The following PRKCA variants were observed in gnomAD, a reference collection of about 807,000 sequenced individuals.
The protein encoded by PRKCA is protein kinase C alpha type.
Under a neutral mutation model 87.0 loss-of-function variants are expected in PRKCA, and 27 were observed. The observed-to-expected ratio is 0.31, with a 90% CI of 0.23 to 0.43. The LOEUF (loss-of-function observed/expected upper bound fraction) is 0.43, where lower values mean the gene tolerates loss of function less well. PRKCA is among the 20% of genes least tolerant of loss of function. The pLI is 1.00. For synonymous variants in PRKCA, 329 were observed against 311.1 expected (o/e 1.06, Z -0.61); for missense variants, 518 against 852.3 (o/e 0.61, Z 4.88).
At position 66,519,838 on chromosome 17, in the gene PRKCA, A is replaced by G. The variant is rs183281968; in HGVS notation, c.288+23555A>G. Among the ~76,000 whole-genome samples, 203 of 152,318 alleles carry G rather than the reference A, an allele frequency of 1.3e-3. 3 individuals are homozygous for G. Among genetic ancestry groups the G allele is most frequent in the South Asian group, 6.6e-3 (32 of 4,824 alleles). On this transcript the variant is annotated intron_variant, in intron 3 of 16. Transcript: ENST00000413366. ...TTCCCAAGCTCTCCAAGTAATGCCT[A>G]TGTTTGAGAATCACAACCCTAGACT...
intron 2 of PRKCA, among the ~76,000 whole-genome samples, chr17:66,317,526 G>A (rs1352414164): frequency 6.6e-6 from 1 of 152,190 alleles, no homozygotes; most frequent in Non-Finnish European, 1.5e-5. Context: ...TGAAATTGGG[G>A]AGATTTAGTG....
At chr17:66,462,691 C>T (rs1914905528) in intron 2 of PRKCA, among the ~76,000 whole-genome samples, 1 of 152,114 alleles carries the variant, frequency 6.6e-6, no homozygotes, top group South Asian at 2.1e-4. Context: ...GTGGCAGCTT[C>T]TTTAGAGGCA....
At chr17:66,707,804 T>C (rs181759741) in intron 8 of PRKCA, among the ~76,000 whole-genome samples, 299 of 152,286 alleles carry the variant, frequency 2.0e-3, no homozygotes, top group Middle Eastern at 6.8e-3. Context: ...CCCTGTCTCC[T>C]AAACAGTAGC....
At chr17:66,796,530 G>C in intron 16 of PRKCA, 1 of 984,584 alleles carries the variant, frequency 1.0e-6, no homozygotes, top group Non-Finnish European at 1.2e-6. Context: ...GTGACTAAAT[G>C]AGCAAACTAA....
intron 2 of PRKCA, among the ~76,000 whole-genome samples, chr17:66,443,382 T>C (rs1244793561): frequency 6.6e-6 from 1 of 152,188 alleles, no homozygotes; most frequent in Non-Finnish European, 1.5e-5. Context: ...AGTGTAGCCT[T>C]GGAAACTAGA....
At position 66,500,138 on chromosome 17, in the gene PRKCA, A is replaced by G. The variant is rs1357339029; in HGVS notation, c.288+3855A>G. Among the ~76,000 whole-genome samples the G allele has an allele frequency of 2.6e-5, 4 of 152,292 alleles. No homozygotes were observed. In the South Asian group the frequency reaches 6.2e-4, roughly 24 times the overall value. On this transcript the variant is annotated intron_variant, in intron 3 of 16. Transcript: ENST00000413366. ...CTTCTGTCATGTGAGTACACAGCAAAAAGGCACCATCCAGGAAGCAGAGCC... is the reference window on the plus strand; with the variant it reads ...CTTCTGTCATGTGAGTACACAGCAAGAAGGCACCATCCAGGAAGCAGAGCC...
intron 2 of PRKCA, among the ~76,000 whole-genome samples, chr17:66,399,134 T>G (rs1910866965): frequency 6.7e-6 from 1 of 149,412 alleles, no homozygotes; most frequent in South Asian, 2.1e-4. Flanking sequence ...GGCCTTGCTC[T>G]GTCTTCCGGG....
intron 5 of PRKCA, among the ~76,000 whole-genome samples, chr17:66,647,117 G>GGGCCATGAACTA (rs1971478048): frequency 6.6e-6 from 1 of 151,700 alleles, no homozygotes; most frequent in African/African-American, 2.4e-5. Context: ...TGTTCCTCGG[G>GGGCCATGAACTA]GGCCATGAGA....
intron 4 of PRKCA, among the ~76,000 whole-genome samples, chr17:66,643,487 T>C (rs1971365139): frequency 6.6e-6 from 1 of 152,250 alleles, no homozygotes; most frequent in Non-Finnish European, 1.5e-5. Context: ...TATAAATTTG[T>C]GTTTGTTAGC....
chr17:66,730,354 G>A (rs1177893698), intron 8 of PRKCA, among the ~76,000 whole-genome samples: 1 of 152,184 alleles, frequency 6.6e-6, no homozygotes, highest in African/African-American at 2.4e-5. Context: ...TAAAGTGAAA[G>A]CAAGTTTATT....
At position 66,496,256 on chromosome 17, in the gene PRKCA, G is replaced by T. The variant is rs145160680; in HGVS notation, c.261G>T (p.Pro87=). 6.2e-7 allele frequency: 1 copy of T among 1,613,972 alleles called. No individual in the cohort carries two copies. Among genetic ancestry groups the T allele is most frequent in the Admixed American group, 1.7e-5 (1 of 60,010 alleles). Residue 87 remains proline (P), a synonymous_variant, in exon 3 of 17, where the codon CCG becomes CCT. Transcript: ENST00000413366. ...RCHEFVTFSC[P]GADKGPDTDD... is the part of the protein sequence containing the mutation. ...ATGAATTTGTTACTTTTTCTTGTCC[G>T]GGTGCGGATAAGGGACCCGACACTG...
chr17:66,716,835 C>T (rs535391705), intron 8 of PRKCA, among the ~76,000 whole-genome samples: 3 of 152,326 alleles, frequency 2.0e-5, no homozygotes, highest in African/African-American at 4.8e-5. Flanking sequence ...GCCATGACAA[C>T]GGAGGCCCTC....
chr17:66,787,283 T>A, intron 15 of PRKCA: 2 of 461,896 alleles, frequency 4.3e-6, no homozygotes, highest in South Asian at 3.6e-5. Flanking sequence ...TGCTATGCAG[T>A]GTTCCACTGT....
At chr17:66,489,393 A>G (rs909990772) in intron 2 of PRKCA, among the ~76,000 whole-genome samples, 1 of 117,084 alleles carries the variant, frequency 8.5e-6, no homozygotes, top group Admixed American at 8.9e-5. Flanking sequence ...ATATATATAT[A>G]TATTTCCCCC....
chr17:66,445,961 G>C (rs778462973), intron 2 of PRKCA, among the ~76,000 whole-genome samples: 2 of 151,908 alleles, frequency 1.3e-5, no homozygotes, highest in South Asian at 2.1e-4. Flanking sequence ...CTACAGGTGC[G>C]TGCCACTACA....
At chr17:66,784,488 C>T (rs986312680) in intron 14 of PRKCA, among the ~76,000 whole-genome samples, 6 of 151,976 alleles carry the variant, frequency 3.9e-5, no homozygotes, top group African/African-American at 1.4e-4. Flanking sequence ...CTCAGGTGAT[C>T]CACCCACGTT....
At chr17:66,313,024 C>T (rs373165147) in intron 2 of PRKCA, among the ~76,000 whole-genome samples, 7 of 152,126 alleles carry the variant, frequency 4.6e-5, no homozygotes, top group African/African-American at 1.7e-4. Context: ...CAGGCGTGAG[C>T]TCCCGCGCCC....
chr17:66,701,038 C>G (rs1973048109), intron 8 of PRKCA, among the ~76,000 whole-genome samples: 1 of 152,028 alleles, frequency 6.6e-6, no homozygotes, highest in South Asian at 2.1e-4. Flanking sequence ...ACTTTCTGAT[C>G]CAAATTATAT....
chr17:66,515,909 T>C (rs1450773335), intron 3 of PRKCA, among the ~76,000 whole-genome samples: 4 of 152,198 alleles, frequency 2.6e-5, no homozygotes, highest in African/African-American at 9.7e-5. Flanking sequence ...TTAAACACTT[T>C]GTTGGTTCTC....
Sources: gnomAD v4.1 joint callset for allele counts (sites outside exome capture counted in the v4.1 genomes callset) on GRCh38, gnomAD v4.1.1 for gene constraint, MANE v1.5 for transcripts, NCBI Gene and HGNC (gene_info 2026-07-23, HGNC 2026-07-21) for gene names.